CFAP97D2: variants seen among roughly 807,000 people sequenced by gnomAD.
CFAP97D2 encodes the protein uncharacterized protein CFAP97D2.
intron 1 of CFAP97D2, among the ~76,000 whole-genome samples, chr13:114,191,577 A>G (rs1048936467): frequency 2.6e-5 from 4 of 152,246 alleles, no homozygotes; most frequent in African/African-American, 9.6e-5. Context: ...GCCAAAATCC[A>G]GAACACTGAC....
chr13:114,214,841 G>C (rs1331154989), intron 4 of CFAP97D2, among the ~76,000 whole-genome samples: 2 of 152,138 alleles, frequency 1.3e-5, no homozygotes, highest in Non-Finnish European at 2.9e-5. Flanking sequence ...CATACAAATA[G>C]TTTCATTCCA....
chr13:114,182,972 C>T (rs569049897), intron 1 of CFAP97D2, among the ~76,000 whole-genome samples: 48 of 152,318 alleles, frequency 3.2e-4, no homozygotes, highest in Non-Finnish European at 6.3e-4. Context: ...CTTGCACTCA[C>T]TGCTACCTCC....
chr13:114,218,709 C>G (rs916344052), intron 4 of CFAP97D2, among the ~76,000 whole-genome samples: 7 of 152,172 alleles, frequency 4.6e-5, no homozygotes, highest in African/African-American at 1.7e-4. Context: ...ACAGAGCCCT[C>G]AGAAACAATA....
chr13:114,181,821 C>T (rs978388949), intron 1 of CFAP97D2, among the ~76,000 whole-genome samples: 9 of 152,006 alleles, frequency 5.9e-5, no homozygotes, highest in Non-Finnish European at 1.2e-4. Context: ...GGGCCTCATC[C>T]TCAGCCCAGC....
intron 1 of CFAP97D2, among the ~76,000 whole-genome samples, chr13:114,190,604 T>C (rs1184989155): frequency 6.6e-6 from 1 of 152,174 alleles, no homozygotes; most frequent in Non-Finnish European, 1.5e-5. Context: ...AAGATCTGTA[T>C]AAAGAAAACT....
intron 3 of CFAP97D2, among the ~76,000 whole-genome samples, chr13:114,205,379 T>C (rs2080935070): frequency 6.6e-6 from 1 of 152,206 alleles, no homozygotes; most frequent in African/African-American, 2.4e-5. Context: ...CGAAAACATA[T>C]ACAATTGATT....
At chr13:114,184,989 GTCA>G (rs780031621) in intron 1 of CFAP97D2, among the ~76,000 whole-genome samples, 9 of 152,202 alleles carry the variant, frequency 5.9e-5, no homozygotes, top group Non-Finnish European at 1.2e-4. Flanking sequence ...AGCAGCCACT[GTCA>G]TCATGTCAGT....
chr13:114,190,927 G>C (rs1305733969), intron 1 of CFAP97D2, among the ~76,000 whole-genome samples: 1 of 152,132 alleles, frequency 6.6e-6, no homozygotes, highest in African/African-American at 2.4e-5. Flanking sequence ...GAAAGAATAG[G>C]CAAATCATCA....
chr13:114,181,991 A>C (rs919638694), intron 1 of CFAP97D2, among the ~76,000 whole-genome samples: 8 of 152,304 alleles, frequency 5.3e-5, no homozygotes, highest in Non-Finnish European at 1.2e-4. Flanking sequence ...AATAAGACAC[A>C]GAGACAAAGT....
At chr13:114,216,252 T>C (rs1037802353) in intron 4 of CFAP97D2, among the ~76,000 whole-genome samples, 1 of 152,174 alleles carries the variant, frequency 6.6e-6, no homozygotes, top group Non-Finnish European at 1.5e-5. Context: ...TCCACTGCCC[T>C]CCTCCCGGCT....
At chr13:114,208,264 G>A (rs1433002183) in intron 3 of CFAP97D2, among the ~76,000 whole-genome samples, 4 of 152,190 alleles carry the variant, frequency 2.6e-5, no homozygotes, top group Admixed American at 6.5e-5. Context: ...AGCCAATATC[G>A]TTGTTGCTAT....
chr13:114,221,014 C>G (rs559446116), intron 4 of CFAP97D2, among the ~76,000 whole-genome samples: 57 of 152,290 alleles, frequency 3.7e-4, no homozygotes, highest in Admixed American at 5.9e-4. Flanking sequence ...TTCGGGAGGC[C>G]GAGACAGGCG....
At chr13:114,180,464 A>G (rs117852229) in intron 1 of CFAP97D2, among the ~76,000 whole-genome samples, 1,767 of 152,010 alleles carry the variant, frequency 0.012, 96 homozygotes, top group Admixed American at 0.082. Context: ...CCCCAGCTCA[A>G]CCTCACTTCC....
Position 114,182,065 on chromosome 13 carries a change from C to T in CFAP97D2, c.90+2645C>T, listed in dbSNP as rs554502460. Among the ~76,000 whole-genome samples, 647 of 151,978 alleles carry T rather than the reference C, an allele frequency of 4.3e-3. 2 individuals carry two copies. The highest frequency in any genetic ancestry group is 6.5e-3 in the Non-Finnish European group (442 of 67,920). ...GCATACCAAGGACCTGCACCAGCAC[C>T]GGTCTCTGAGTTCCCTCAGTTTTTA... On this transcript the variant is annotated intron_variant, in intron 1 of 4. Coordinates refer to ENST00000646158, the Ensembl canonical transcript of CFAP97D2.
chr13:114,215,333 C>CT (rs1432474324), intron 4 of CFAP97D2, among the ~76,000 whole-genome samples: 1 of 151,898 alleles, frequency 6.6e-6, no homozygotes, highest in African/African-American at 2.4e-5. Flanking sequence ...CAATATTTAC[C>CT]TTTTTTCTAT....
intron 1 of CFAP97D2, among the ~76,000 whole-genome samples, chr13:114,182,170 A>AC (rs1555349192): frequency 0.021 from 2,674 of 128,318 alleles, 272 homozygotes; most frequent in African/African-American, 0.074. Context: ...GTCAGCAAAA[A>AC]ACGTGAGCAA....
At chr13:114,213,680 G>A (rs1298854033) in intron 4 of CFAP97D2, among the ~76,000 whole-genome samples, 28 of 101,900 alleles carry the variant, frequency 2.7e-4, no homozygotes, top group South Asian at 6.9e-4. Context: ...CCAGGACCAT[G>A]AACCCCACCC....
chr13:114,203,536 A>G lies in CFAP97D2; in HGVS notation c.290+3093A>G, dbSNP rs958947863. Among the ~76,000 whole-genome samples the G allele has an allele frequency of 1.3e-5, 2 of 152,246 alleles. No individual in the cohort carries two copies. Among genetic ancestry groups the G allele is most frequent in the South Asian group, 4.1e-4 (2 of 4,830 alleles). On this transcript the variant is annotated intron_variant, in intron 3 of 4. Transcript: ENST00000646158. The surrounding 1 kb of genome is among the most constrained non-coding windows in gnomAD (Gnocchi z 4.3). ...TCAGCTGAAACTGGGTACTTGTCAC[A>G]TGACCAGGAAAATCTAGGCACACGA...
At chr13:114,213,234 C>T (rs984389878) in intron 4 of CFAP97D2, among the ~76,000 whole-genome samples, 2 of 152,214 alleles carry the variant, frequency 1.3e-5, no homozygotes, top group Middle Eastern at 3.4e-3. Context: ...ATGTAGACAC[C>T]AAAGATTAAA....
Sources: gnomAD v4.1 joint callset for allele counts (sites outside exome capture counted in the v4.1 genomes callset) on GRCh38, gnomAD v4.1.1 for gene constraint, Gnocchi (gnomAD v3.1) non-coding constraint, MANE v1.5 for transcripts, NCBI Gene and HGNC (gene_info 2026-07-23, HGNC 2026-07-21) for gene names.